COL4A6: variants seen among roughly 807,000 people sequenced by gnomAD.
The protein encoded by COL4A6 is collagen alpha-6(IV) chain.
In COL4A6, 59 loss-of-function variants were observed where a neutral mutation model predicts 126.7. The ratio of observed to expected loss-of-function variants is 0.47; its 90% CI spans 0.38 to 0.58. COL4A6 has a LOEUF of 0.58. Among genes scored for constraint, COL4A6 ranks in the 20% least tolerant of loss-of-function variants. COL4A6 has a pLI of 0.00. For synonymous variants in COL4A6, 547 were observed against 496.6 expected, an observed-to-expected ratio of 1.10 and a Z score of -1.35; for missense variants, 1,285 against 1,337.3, an observed-to-expected ratio of 0.96 and a Z score of 0.61.
At chrX:108,404,793 G>T (rs1448545945) in intron 2 of COL4A6, among the ~76,000 whole-genome samples, 1 of 112,135 alleles carries the variant, frequency 8.9e-6, no homozygotes, top group East Asian at 2.8e-4. Context: ...TGATGCTGAA[G>T]TGAGTGAAAT....
At chrX:108,270,993 T>C (rs919421024) in intron 3 of COL4A6, among the ~76,000 whole-genome samples, 10 of 111,974 alleles carry the variant, frequency 8.9e-5, no homozygotes, top group Middle Eastern at 4.6e-3. Context: ...ATAGTAAGGA[T>C]GGTTTAATGA....
chrX:108,252,106 C>T (rs919157222), intron 3 of COL4A6, among the ~76,000 whole-genome samples: 32 of 110,553 alleles, frequency 2.9e-4, no homozygotes, highest in African/African-American at 1.0e-3. Flanking sequence ...AAGTTTATAC[C>T]CATTGACCAA....
intron 6 of COL4A6, among the ~76,000 whole-genome samples, chrX:108,212,758 A>G (rs2035747595): frequency 9.0e-6 from 1 of 111,533 alleles, no homozygotes; most frequent in South Asian, 3.8e-4. Flanking sequence ...TCTGTTTGGT[A>G]TTCAGCAAAG....
chrX:108,390,852 C>T (rs1244183555), intron 2 of COL4A6, among the ~76,000 whole-genome samples: 1 of 111,385 alleles, frequency 9.0e-6, no homozygotes, highest in East Asian at 2.8e-4. Flanking sequence ...GCTGGTTTCT[C>T]TCCATCTTCG....
At chrX:108,189,352 G>T (rs773394202) in intron 20 of COL4A6, among the ~76,000 whole-genome samples, 2 of 112,266 alleles carry the variant, frequency 1.8e-5, no homozygotes, top group East Asian at 5.6e-4. Flanking sequence ...AGCTTGCTGG[G>T]TCCTATCTCA....
At chrX:108,383,831 T>G in intron 2 of COL4A6, 1 of 492,370 alleles carries the variant, frequency 2.0e-6, no homozygotes, top group Non-Finnish European at 3.7e-6. Flanking sequence ...AAAGGATCCC[T>G]CAAACCAGAT....
chrX:108,369,136 A>G (rs367887139), intron 2 of COL4A6, among the ~76,000 whole-genome samples: 1 of 111,810 alleles, frequency 8.9e-6, no homozygotes, highest in African/African-American at 3.3e-5. Flanking sequence ...AGCTTTGTTT[A>G]CACCAACATC....
intron 30 of COL4A6, 139 bp from the exon 31 acceptor site, chrX:108,174,760 A>C: frequency 1.9e-6 from 1 of 521,781 alleles, no homozygotes; most frequent in Non-Finnish European, 3.0e-6. Flanking sequence ...AAGTGGGGAG[A>C]GATGCTTTCA....
chrX:108,277,970 T>A (rs1395711027), intron 3 of COL4A6, among the ~76,000 whole-genome samples: 1 of 111,758 alleles, frequency 8.9e-6, no homozygotes, highest in Non-Finnish European at 1.9e-5. Context: ...AGAAAGGACA[T>A]CCACACCAAA....
chrX:108,166,607 A>G (rs1357070824), intron 37 of COL4A6, among the ~76,000 whole-genome samples: 1 of 112,178 alleles, frequency 8.9e-6, no homozygotes. Flanking sequence ...GTGTTTTTAA[A>G]TAGCTCATTA....
chrX:108,314,677 T>C (rs1015003259), intron 2 of COL4A6, among the ~76,000 whole-genome samples: 1 of 112,253 alleles, frequency 8.9e-6, no homozygotes, highest in East Asian at 2.8e-4. Flanking sequence ...ATTAGGAATA[T>C]AAGTTCTGGA....
intron 3 of COL4A6, among the ~76,000 whole-genome samples, chrX:108,298,383 G>A (rs973283611): frequency 8.9e-6 from 1 of 112,506 alleles, no homozygotes; most frequent in African/African-American, 3.2e-5. Flanking sequence ...CATTGTCCAG[G>A]GCTACCTTGG....
Position 108,389,370 on chromosome X carries a change from A to G in COL4A6, c.63+48572T>C, listed in dbSNP as rs190344168. ...GAGTCTAAGTCTCTTTGCAGGTGTC[A>G]AAGAACTTGCTTTATGAATCTGGAT... On this transcript the variant is annotated intron_variant, in intron 2 of 44. Transcript: ENST00000334504. Among the ~76,000 whole-genome samples, 15 of 111,642 alleles carry G rather than the reference A, an allele frequency of 1.3e-4. No homozygotes were observed. In the East Asian group the frequency reaches 3.6e-3, roughly 27 times the overall value.
rs2064149026 is a variant in COL4A6, at chrX:108,429,859, T to C, written c.63+8083A>G. 1.8e-5 allele frequency among the ~76,000 whole-genome samples: 2 copies of C among 111,593 alleles called. 1 individual carries two copies. The highest frequency in any genetic ancestry group is 7.5e-4 in the South Asian group (2 of 2,664). On this transcript the variant is annotated intron_variant, in intron 2 of 44. Transcript: ENST00000334504. ...TGATATTTTTCCATCAATTCAATTG[T>C]TATTGGAGTTAACATTAGTAATTTT...
Position 108,206,317 on chromosome X carries a change from T to C in COL4A6, c.609+201A>G, listed in dbSNP as rs180939102. On this transcript the variant is annotated intron_variant, in intron 9 of 44. Coordinates refer to ENST00000334504, the MANE Select transcript of COL4A6 (RefSeq NM_033641.4). ...GGGTGGGAGGCTTTAGAGGCACAGA[T>C]TGGATGGTCAGATAGACTCTGATAA... The C allele has an allele frequency of 1.8e-5, 10 of 540,683 alleles. No homozygotes were observed. In the East Asian group the frequency reaches 3.4e-4, roughly 18 times the overall value. 44.6% of individuals were successfully genotyped at this position (540,683 alleles called of 1,213,427 possible). A position where few individuals can be genotyped will look rare whatever the true frequency, so the allele number is the denominator to read the frequency against.
chrX:108,169,137 C>T (rs1003587647), intron 37 of COL4A6, among the ~76,000 whole-genome samples: 1 of 111,376 alleles, frequency 9.0e-6, no homozygotes, highest in Non-Finnish European at 1.9e-5. Flanking sequence ...CCACACTGGA[C>T]GCTGAGGAAA....
At chrX:108,228,739 A>G (rs750173014) in intron 3 of COL4A6, among the ~76,000 whole-genome samples, 2 of 112,189 alleles carry the variant, frequency 1.8e-5, no homozygotes, top group East Asian at 5.6e-4. Flanking sequence ...AGAAAACAGC[A>G]TGGAGGTAAC....
At chrX:108,432,619 T>C (rs1037028282) in intron 2 of COL4A6, among the ~76,000 whole-genome samples, 2 of 111,258 alleles carry the variant, frequency 1.8e-5, no homozygotes, top group African/African-American at 6.6e-5. Context: ...GTGGATCACC[T>C]GAGGTCAGGA....
Position 108,196,495 on chromosome X carries a change from C to T in COL4A6, c.903+16G>A, listed in dbSNP as rs755440626. On this transcript the variant is annotated intron_variant, in intron 14 of 44. Coordinates refer to ENST00000334504, the MANE Select transcript of COL4A6 (RefSeq NM_033641.4). ...TGACTTGACAGACCCAGGCAAGTAA[C>T]ATTCGAGGTTCATACCCTAGGTCCT... 2 of 1,197,662 alleles carry T rather than the reference C, an allele frequency of 1.7e-6. No homozygotes were observed. Among genetic ancestry groups the T allele is most frequent in the Non-Finnish European group, 2.3e-6 (2 of 885,085 alleles).
Sources: allele counts gnomAD v4.1 joint callset (sites outside exome capture counted in the v4.1 genomes callset), GRCh38; gene constraint gnomAD v4.1.1; transcripts MANE v1.5; gene names NCBI Gene and HGNC (gene_info 2026-07-23, HGNC 2026-07-21).